FOXP2: variants seen among roughly 807,000 people sequenced by gnomAD.
FOXP2 encodes the protein forkhead box protein P2.
A neutral mutation model predicts 115.8 loss-of-function variants in FOXP2; 12 were observed. That is an observed-to-expected ratio of 0.10 (90% confidence interval 0.07 to 0.17). The LOEUF (loss-of-function observed/expected upper bound fraction) is 0.17. Ranked by LOEUF, FOXP2 falls within the 10% of genes least tolerant of loss-of-function variation. The probability of loss-of-function intolerance (pLI) is 1.00; values close to 1 mark genes in which losing one functional copy is unlikely to be tolerated. For synonymous variants in FOXP2, 328 were observed against 297.7 expected, an observed-to-expected ratio of 1.10 and a Z score of -1.05; for missense variants, 629 against 843.5, an observed-to-expected ratio of 0.75 and a Z score of 3.15.
At chr7:114,371,856 G>T (rs1327176814) in intron 2 of FOXP2, among the ~76,000 whole-genome samples, 1 of 152,028 alleles carries the variant, frequency 6.6e-6, no homozygotes, top group East Asian at 1.9e-4. Flanking sequence ...ATGTTTTATT[G>T]TGGACCGTTA....
chr7:114,385,537 G>A (rs979021747), intron 2 of FOXP2, among the ~76,000 whole-genome samples: 3 of 152,128 alleles, frequency 2.0e-5, no homozygotes, highest in African/African-American at 7.2e-5. Context: ...AAAATTGAAA[G>A]TGGAAGCTGG....
intron 3 of FOXP2, among the ~76,000 whole-genome samples, chr7:114,614,275 C>A (rs1803803459): frequency 6.6e-6 from 1 of 151,698 alleles, no homozygotes; most frequent in South Asian, 2.1e-4. Context: ...TTCAAAATGT[C>A]TTTAATTTGC....
At chr7:114,550,710 A>G (rs1215811197) in intron 3 of FOXP2, among the ~76,000 whole-genome samples, 1 of 152,164 alleles carries the variant, frequency 6.6e-6, no homozygotes, top group Non-Finnish European at 1.5e-5. Flanking sequence ...ATTATGGTAA[A>G]GTTCTTGATG....
intron 3 of FOXP2, among the ~76,000 whole-genome samples, chr7:114,584,627 A>G (rs1343512465): frequency 1.3e-5 from 2 of 152,244 alleles, no homozygotes; most frequent in East Asian, 1.9e-4. Flanking sequence ...CTATCTTGCT[A>G]ACAGACTCTC....
At chr7:114,090,502 T>A (rs1354684612) in intron 1 of FOXP2, among the ~76,000 whole-genome samples, 1 of 151,852 alleles carries the variant, frequency 6.6e-6, no homozygotes, top group East Asian at 1.9e-4. Flanking sequence ...CAAAAACAAC[T>A]TTATTTATGT....
At chr7:114,129,311 C>T (rs1177912691) in intron 1 of FOXP2, among the ~76,000 whole-genome samples, 1 of 152,130 alleles carries the variant, frequency 6.6e-6, no homozygotes, top group African/African-American at 2.4e-5. Context: ...ATATTACTAT[C>T]TTGCATGTTT....
At chr7:114,368,039 CCTAA>C (rs1357260580) in intron 2 of FOXP2, among the ~76,000 whole-genome samples, 3 of 152,082 alleles carry the variant, frequency 2.0e-5, no homozygotes, top group East Asian at 1.9e-4. Context: ...CTCCAGTTTT[CCTAA>C]CTGTTAGTAA....
chr7:114,664,369 A>G lies in FOXP2; in HGVS notation c.1936A>G (p.Asn646Asp), dbSNP rs201084683. 5.9e-5 allele frequency: 95 copies of G among 1,613,142 alleles called. No individual in the cohort carries two copies. Among genetic ancestry groups the G allele is most frequent in the Admixed American group, 2.3e-4 (14 of 59,908 alleles). Reference sequence around the variant, plus strand: ...ACTGCAGGCCGTCCACGAAGACCTCAATGGTTCTCTGGATCACATTGACAG... The same window carrying G: ...ACTGCAGGCCGTCCACGAAGACCTCGATGGTTCTCTGGATCACATTGACAG... ...GLLQAVHEDL[N>D]GSLDHIDSNG... Residue 646 changes from asparagine (N) to aspartate (D), a missense_variant, in exon 16 of 17, where the codon AAT (asparagine) becomes GAT (aspartate). This residue lies in a region of FOXP2 where 117 missense variants were observed against 112.3 expected (regional missense o/e 1.04). Coordinates refer to ENST00000350908, the MANE Select transcript of FOXP2 (RefSeq NM_014491.4).
At chr7:114,563,131 GC>G (rs1162821596) in intron 3 of FOXP2, among the ~76,000 whole-genome samples, 1 of 152,102 alleles carries the variant, frequency 6.6e-6, no homozygotes, top group Non-Finnish European at 1.5e-5. Flanking sequence ...GGAAATACCT[GC>G]CCCCATGATT....
rs554186195 is a variant in FOXP2, at chr7:114,590,687, G to A, written c.259-37853G>A. Among the ~76,000 whole-genome samples, 6 of 152,244 alleles carry A rather than the reference G, an allele frequency of 3.9e-5. No homozygotes were observed. The South Asian group carries it at 1.2e-3, about 31-fold the overall frequency. ...ATACCACATTTCACAATAAAATTCTGTTTGACAATAATATATTGTAAGGGC... is the reference window on the plus strand; with the variant it reads ...ATACCACATTTCACAATAAAATTCTATTTGACAATAATATATTGTAAGGGC... On this transcript the variant is annotated intron_variant, in intron 3 of 16. Coordinates refer to ENST00000350908, the MANE Select transcript of FOXP2 (RefSeq NM_014491.4).
chr7:114,148,440 C>T (rs948374593), intron 1 of FOXP2, among the ~76,000 whole-genome samples: 3 of 152,100 alleles, frequency 2.0e-5, no homozygotes, highest in African/African-American at 7.2e-5. Flanking sequence ...GCAACGTTCA[C>T]TTATCCTCTC....
chr7:114,122,692 T>G (rs776561094), intron 1 of FOXP2, among the ~76,000 whole-genome samples: 4 of 152,104 alleles, frequency 2.6e-5, no homozygotes, highest in Non-Finnish European at 5.9e-5. Flanking sequence ...CTGAAATGTT[T>G]ACACTGCATT....
At chr7:114,434,874 A>C (rs1450185896) in intron 2 of FOXP2, among the ~76,000 whole-genome samples, 1 of 152,166 alleles carries the variant, frequency 6.6e-6, no homozygotes, top group African/African-American at 2.4e-5. Flanking sequence ...TACAAAGGCC[A>C]TTCTTTCCAA....
intron 2 of FOXP2, among the ~76,000 whole-genome samples, chr7:114,408,336 T>C (rs1332304624): frequency 2.0e-5 from 3 of 152,174 alleles, no homozygotes; most frequent in African/African-American, 7.2e-5. Context: ...TATAATTTTC[T>C]AAACCCTTGA....
intron 2 of FOXP2, among the ~76,000 whole-genome samples, chr7:114,462,126 CA>C (rs1295588266): frequency 1.3e-5 from 2 of 151,000 alleles, no homozygotes; most frequent in Non-Finnish European, 3.0e-5. Flanking sequence ...ACTAAAAATA[CA>C]AAAATTAGCC....
At chr7:114,344,733 A>G (rs968271759) in intron 2 of FOXP2, among the ~76,000 whole-genome samples, 2 of 151,836 alleles carry the variant, frequency 1.3e-5, no homozygotes, top group Admixed American at 1.3e-4. Flanking sequence ...TTTTGATTGA[A>G]TTCTTGTGAA....
chr7:114,690,898 C>T lies in FOXP2; in HGVS notation c.*972C>T, dbSNP rs1335275963. 2.2e-6 allele frequency: 1 copy of T among 454,414 alleles called. No individual in the cohort carries two copies. 28.1% of individuals were successfully genotyped at this position (454,414 alleles called of 1,614,324 possible). The stretch of plus-strand genomic sequence containing the variant: ...TGACCTCTGGGATCTTTTCATTTAG[C>T]CCTAAACAAAGAAACAAATATGACA... On this transcript the variant is annotated 3_prime_UTR_variant, in exon 17 of 17. Transcript: ENST00000350908.
intron 1 of FOXP2, among the ~76,000 whole-genome samples, chr7:114,283,985 A>AAACAC (rs1796400019): frequency 6.6e-6 from 1 of 152,068 alleles, no homozygotes; most frequent in South Asian, 2.1e-4. Flanking sequence ...AAACAAAACA[A>AAACAC]AACACATAAA....
At chr7:114,430,104 A>G (rs1562921687) in intron 2 of FOXP2, among the ~76,000 whole-genome samples, 1 of 151,744 alleles carries the variant, frequency 6.6e-6, no homozygotes, top group East Asian at 1.9e-4. Flanking sequence ...TTATGTTGAC[A>G]TATGAGTAAA....
Sources: allele counts gnomAD v4.1 joint callset (sites outside exome capture counted in the v4.1 genomes callset), GRCh38; gene constraint gnomAD v4.1.1; regional missense constraint gnomAD v4.1.1; transcripts MANE v1.5; gene names NCBI Gene and HGNC (gene_info 2026-07-23, HGNC 2026-07-21).